LRRIQ1: variants seen among roughly 807,000 people sequenced by gnomAD.
LRRIQ1 encodes the protein leucine-rich repeat- and IQ domain-containing protein 1.
In LRRIQ1, 210 loss-of-function variants were observed where a neutral mutation model predicts 211.9. That is an observed-to-expected ratio of 0.99 (90% confidence interval 0.89 to 1.11). LRRIQ1 has a LOEUF of 1.11. Ranked by LOEUF, LRRIQ1 falls within the 50% of genes most tolerant of loss-of-function variation. LRRIQ1 has a pLI of 0.00. For missense variants in LRRIQ1, 2,136 were observed against 1,939.5 expected, an observed-to-expected ratio of 1.10 and a Z score of -1.90; for synonymous variants, 699 against 650.1, an observed-to-expected ratio of 1.08 and a Z score of -1.14.
At chr12:85,100,852 G>GT (rs1240558329) in intron 13 of LRRIQ1, among the ~76,000 whole-genome samples, 1 of 151,608 alleles carries the variant, frequency 6.6e-6, no homozygotes. Context: ...TATTTCACAA[G>GT]TTTATTTTCA....
At chr12:85,269,164 C>T (rs548844635), downstream of LRRIQ1, among the ~76,000 whole-genome samples, 2 of 151,848 alleles carry the variant, frequency 1.3e-5, no homozygotes, top group South Asian at 2.1e-4. Flanking sequence ...GGTGAGATAC[C>T]GGAAATTAGT....
intron 25 of LRRIQ1, among the ~76,000 whole-genome samples, chr12:85,232,253 C>T (rs539669453): frequency 6.6e-6 from 1 of 151,990 alleles, no homozygotes; most frequent in African/African-American, 2.4e-5. Context: ...TATCATTGTT[C>T]TAGTTTTAAA....
intron 19 of LRRIQ1, among the ~76,000 whole-genome samples, chr12:85,149,992 A>G (rs1294387566): frequency 2.0e-5 from 3 of 151,786 alleles, no homozygotes; most frequent in Admixed American, 6.6e-5. Context: ...CAACATCTCT[A>G]TGATGTGGCA....
Position 85,222,304 on chromosome 12 carries a change from G to A in LRRIQ1, c.4823-7213G>A, listed in dbSNP as rs1315274065. Among the ~76,000 whole-genome samples the A allele has an allele frequency of 4.6e-5, 7 of 152,140 alleles. No homozygotes were observed. In the East Asian group the frequency reaches 1.4e-3, roughly 29 times the overall value. ...GAGTATAGCCTAAAAATAAAATGGGGCCAAGATAGAACTCCAGAGAAGAAT... is the reference window on the plus strand; with the variant it reads ...GAGTATAGCCTAAAAATAAAATGGGACCAAGATAGAACTCCAGAGAAGAAT... On this transcript the variant is annotated intron_variant, in intron 24 of 26. Coordinates refer to ENST00000393217, the MANE Select transcript of LRRIQ1 (RefSeq NM_001079910.2).
At chr12:85,147,819 T>C (rs1362417750) in intron 19 of LRRIQ1, among the ~76,000 whole-genome samples, 1 of 151,116 alleles carries the variant, frequency 6.6e-6, no homozygotes, top group Non-Finnish European at 1.5e-5. Context: ...TGTTGGTCAT[T>C]GAATTCAAGT....
intron 24 of LRRIQ1, among the ~76,000 whole-genome samples, chr12:85,196,165 G>T (rs1219093625): frequency 6.6e-6 from 1 of 151,904 alleles, no homozygotes; most frequent in Non-Finnish European, 1.5e-5. Context: ...CACTGCTCAA[G>T]GAAATAAAAG....
chr12:85,056,177 CAAGTA>C lies in LRRIQ1; in HGVS notation c.1389_1393del (p.Leu465ArgfsTer13). ...ACAGACTATATTAAAAGAATCAATA[CAAGTA>C]AAGTTAAAAGAATCTATATCAAGCC... On this transcript the variant is annotated frameshift_variant, in exon 8 of 27. Coordinates refer to ENST00000393217, the MANE Select transcript of LRRIQ1 (RefSeq NM_001079910.2). LOFTEE classifies it high-confidence loss of function. The C allele has an allele frequency of 6.3e-7, 1 of 1,581,014 alleles. No homozygotes were observed. Among genetic ancestry groups the C allele is most frequent in the Non-Finnish European group, 8.5e-7 (1 of 1,170,284 alleles).
chr12:85,042,928 A>G (rs555624464), intron 3 of LRRIQ1, among the ~76,000 whole-genome samples: 74 of 152,104 alleles, frequency 4.9e-4, no homozygotes, highest in Middle Eastern at 3.2e-3. Flanking sequence ...TTATGAATAT[A>G]GATGATTGGG....
rs775555011 is a variant in LRRIQ1 at position 85,124,225 on chromosome 12, C to A, written c.3713C>A (p.Thr1238Lys). ...GCCCAGAAAAATCATTTGGCCCCTA[C>A]AAACAGTGACAGCACTCTGCAAAAT... ...SEAQKNHLAP[T>K]NSDSTLQNGV... The change falls in exon 17 of 27, where the codon ACA becomes AAA. Residue 1238 changes from threonine (T) to lysine (K), a missense_variant. By Grantham distance (78) the Thr-to-Lys change is moderately conservative. Coordinates refer to ENST00000393217, the MANE Select transcript of LRRIQ1 (RefSeq NM_001079910.2). 4 of 1,614,050 alleles carry A rather than the reference C, an allele frequency of 2.5e-6. No individual in the cohort carries two copies. The highest frequency in any genetic ancestry group is 3.3e-5 in the Admixed American group (2 of 60,006).
At chr12:85,129,948 G>A (rs998384564) in intron 18 of LRRIQ1, among the ~76,000 whole-genome samples, 5 of 152,182 alleles carry the variant, frequency 3.3e-5, no homozygotes, top group Non-Finnish European at 7.3e-5. Context: ...GAGGTGGTAA[G>A]AATATCACAT....
intron 15 of LRRIQ1, among the ~76,000 whole-genome samples, chr12:85,113,920 T>TGC (rs1555210004): frequency 6.6e-6 from 1 of 151,136 alleles, no homozygotes; most frequent in East Asian, 1.9e-4. Flanking sequence ...TGTGTGTGTG[T>TGC]GTGTGTGTGT....
intron 24 of LRRIQ1, among the ~76,000 whole-genome samples, chr12:85,217,480 ATATATATATATG>A (rs1447019485): frequency 3.9e-4 from 32 of 82,644 alleles, no homozygotes; most frequent in African/African-American, 9.1e-4. Flanking sequence ...ATATATATAT[ATATATATATATG>A]TATATATATA....
chr12:85,135,175 A>C (rs1889034073), intron 18 of LRRIQ1, among the ~76,000 whole-genome samples: 1 of 152,004 alleles, frequency 6.6e-6, no homozygotes, highest in Non-Finnish European at 1.5e-5. Flanking sequence ...TATTTATTGA[A>C]GTAACCAGGT....
chr12:85,074,554 T>A (rs912838787), intron 11 of LRRIQ1, among the ~76,000 whole-genome samples: 6 of 151,562 alleles, frequency 4.0e-5, no homozygotes, highest in Admixed American at 6.6e-5. Flanking sequence ...CTGTTTTTTT[T>A]ATATATATAT....
At chr12:85,065,029 A>G (rs1257179094) in intron 8 of LRRIQ1, among the ~76,000 whole-genome samples, 2 of 151,750 alleles carry the variant, frequency 1.3e-5, no homozygotes, top group African/African-American at 2.4e-5. Flanking sequence ...GCTTTTATGT[A>G]TCTTACCTTT....
chr12:85,204,948 C>T (rs893928041), intron 24 of LRRIQ1, among the ~76,000 whole-genome samples: 8 of 152,086 alleles, frequency 5.3e-5, no homozygotes, highest in African/African-American at 1.9e-4. Context: ...TAAGGTTTGA[C>T]TCTGTGTCCC....
chr12:85,166,469 G>A (rs1891160668), intron 24 of LRRIQ1, among the ~76,000 whole-genome samples: 1 of 152,156 alleles, frequency 6.6e-6, no homozygotes, highest in Admixed American at 6.5e-5. Flanking sequence ...AATATTGAAT[G>A]TATTAAGAAA....
chr12:85,192,682 TTATA>T (rs1204272320), intron 24 of LRRIQ1, among the ~76,000 whole-genome samples: 1 of 62,996 alleles, frequency 1.6e-5, no homozygotes, highest in East Asian at 4.0e-4. Flanking sequence ...TATACTATAA[TTATA>T]TATAAATATA....
chr12:85,238,483 A>G (rs1312964885), intron 26 of LRRIQ1, among the ~76,000 whole-genome samples: 2 of 152,120 alleles, frequency 1.3e-5, no homozygotes, highest in African/African-American at 4.8e-5. Flanking sequence ...TAAAGCAGCT[A>G]AAGTATACAT....
Sources: allele counts gnomAD v4.1 joint callset (sites outside exome capture counted in the v4.1 genomes callset), GRCh38; gene constraint gnomAD v4.1.1; transcripts MANE v1.5; gene names NCBI Gene and HGNC (gene_info 2026-07-23, HGNC 2026-07-21).